The following KLHL36 variants were observed in gnomAD, a reference collection of about 807,000 sequenced individuals.
KLHL36 encodes the protein kelch-like protein 36.
Under a neutral mutation model 53.3 loss-of-function variants are expected in KLHL36, and 35 were observed. The observed-to-expected ratio is 0.66, with a 90% CI of 0.50 to 0.87. The LOEUF (loss-of-function observed/expected upper bound fraction) is 0.87, where lower values mean the gene tolerates loss of function less well. KLHL36 is among the 40% of genes least tolerant of loss of function. KLHL36 has a pLI of 0.00. For missense variants in KLHL36, 864 were observed against 897.6 expected (o/e 0.96, Z 0.48); for synonymous variants, 472 against 398.9 (o/e 1.18, Z -2.18).
rs1426405244 is a variant in KLHL36 at position 84,666,116 on chromosome 16, G to A, written c.*3983G>A. The A allele has an allele frequency of 1.3e-5, 2 of 152,242 alleles. No homozygotes were observed. Among genetic ancestry groups the A allele is most frequent in the African/African-American group, 4.8e-5 (2 of 41,450 alleles). The allele number at this position is 152,242 out of a possible 1,614,324, so 9.4% of individuals were successfully genotyped here. On this transcript the variant is annotated 3_prime_UTR_variant, in exon 5 of 5. Coordinates refer to ENST00000564996, the MANE Select transcript of KLHL36 (RefSeq NM_024731.4). ...GCCTGGAGTATAGGGCAGCGCCACG[G>A]GCACTTGGAGACCCTGTCCTGCGCA... is the stretch of plus-strand genomic sequence containing the variant.
Position 84,662,253 on chromosome 16 carries a change from T to G in KLHL36, c.*120T>G. 1.1e-6 allele frequency: 1 copy of G among 889,410 alleles called. No individual in the cohort carries two copies. Among genetic ancestry groups the G allele is most frequent in the South Asian group, 1.9e-5 (1 of 53,076 alleles). 55.1% of individuals were successfully genotyped at this position (889,410 alleles called of 1,614,324 possible). On this transcript the variant is annotated 3_prime_UTR_variant, in exon 5 of 5. Transcript: ENST00000564996. Reference sequence around the variant, plus strand: ...AACTTAGCAGCTTTTTTTACTTTTATGATTCTTGGTATTTCTATGATATCA... The same window carrying G: ...AACTTAGCAGCTTTTTTTACTTTTAGGATTCTTGGTATTTCTATGATATCA...
intron 3 of KLHL36, chr16:84,658,978 G>C (rs1456418065): frequency 6.7e-6 from 1 of 148,344 alleles, no homozygotes; most frequent in Admixed American, 6.7e-5. Flanking sequence ...TTTAAAAAAA[G>C]AAAAAAAAAA....
chr16:84,656,842 G>T (rs765920632), intron 2 of KLHL36, 29 bp from the exon 3 acceptor site: 2 of 1,556,010 alleles, frequency 1.3e-6, no homozygotes, highest in Non-Finnish European at 1.8e-6. Context: ...AGGCTGCTGC[G>T]CCGTTTCTAA....
chr16:84,659,523 C>T, intron 3 of KLHL36: 2 of 495,838 alleles, frequency 4.0e-6, no homozygotes, highest in South Asian at 2.8e-5. Flanking sequence ...ATCTCCATCC[C>T]CCTTTTGGGG....
chr16:84,653,102 A>AT lies in KLHL36; in HGVS notation c.63+2172_63+2173insT, dbSNP rs1206411096. Among the ~76,000 whole-genome samples, 3 of 152,192 alleles carry AT rather than the reference A, an allele frequency of 2.0e-5. No individual in the cohort carries two copies. The East Asian group carries it at 5.8e-4, about 29-fold the overall frequency. On this transcript the variant is annotated intron_variant, in intron 2 of 4. Coordinates refer to ENST00000564996, the MANE Select transcript of KLHL36 (RefSeq NM_024731.4). ...CCTGGTGGCATACACCTGTAGTCCC[A>AT]GCTCCTCAGGAGGCCGAGGTGGGAG...
At chr16:84,659,710 T>C in intron 3 of KLHL36, 50 bp from the exon 4 acceptor site, 1 of 1,589,722 alleles carries the variant, frequency 6.3e-7, no homozygotes, top group East Asian at 2.2e-5. Flanking sequence ...CAGATGTTGA[T>C]GCTGTCCCGG....
intron 3 of KLHL36, chr16:84,659,525 C>G: frequency 2.0e-6 from 1 of 500,960 alleles, no homozygotes; most frequent in Non-Finnish European, 3.6e-6. Flanking sequence ...CTCCATCCCC[C>G]TTTTGGGGAC....
intron 4 of KLHL36, among the ~76,000 whole-genome samples, 153 bp downstream of exon 4, chr16:84,660,070 G>A (rs1907458570): frequency 1.3e-5 from 2 of 152,132 alleles, no homozygotes; most frequent in African/African-American, 4.8e-5. Flanking sequence ...CATGAGGGGC[G>A]GAGGGCGTGA....
chr16:84,662,323 G>A lies in KLHL36; in HGVS notation c.*190G>A, dbSNP rs2150729909. The A allele has an allele frequency of 1.7e-6, 1 of 580,106 alleles. No homozygotes were observed. The highest frequency in any genetic ancestry group is 2.9e-6 in the Non-Finnish European group (1 of 341,632). The allele number at this position is 580,106 out of a possible 1,614,324, so 35.9% of individuals were successfully genotyped here. A position where few individuals can be genotyped will look rare whatever the true frequency, so the allele number is the denominator to read the frequency against. On this transcript the variant is annotated 3_prime_UTR_variant, in exon 5 of 5. Transcript: ENST00000564996. ...ATCTGTAACTTTACATATCTTGCTT[G>A]AATAACTAACCCTGGGCCCAGGCAG...
At chr16:84,658,200 G>A (rs1907338436) in intron 3 of KLHL36, 1 of 367,504 alleles carries the variant, frequency 2.7e-6, no homozygotes, top group Non-Finnish European at 4.8e-6. Context: ...CAGATGGAAG[G>A]GTCTGTCTGT....
rs1241194989 is a variant in KLHL36, at chr16:84,662,711, G to GACCAC, written c.*579_*583dup. 2.6e-5 allele frequency: 4 copies of GACCAC among 152,464 alleles called. No individual in the cohort carries two copies. Among genetic ancestry groups the GACCAC allele is most frequent in the Non-Finnish European group, 4.4e-5 (3 of 68,256 alleles). 9.4% of individuals were successfully genotyped at this position (152,464 alleles called of 1,614,324 possible). On this transcript the variant is annotated 3_prime_UTR_variant, in exon 5 of 5. Coordinates refer to ENST00000564996, the MANE Select transcript of KLHL36 (RefSeq NM_024731.4). Reference sequence around the variant, plus strand: ...TTTGTTTTATAAATGAGTGCACAGAGACCACCCATGAGGGTGAGTGAGTGA... The same window carrying GACCAC: ...TTTGTTTTATAAATGAGTGCACAGAGACCACACCACCCATGAGGGTGAGTGAGTGA...
At chr16:84,651,844 A>G (rs576971248) in intron 2 of KLHL36, among the ~76,000 whole-genome samples, 1 of 152,334 alleles carries the variant, frequency 6.6e-6, no homozygotes, top group Admixed American at 6.5e-5. Flanking sequence ...ATTAGGGAAA[A>G]AAATCTTAAA....
intron 4 of KLHL36, among the ~76,000 whole-genome samples, chr16:84,660,187 G>C (rs1302710606): frequency 1.3e-5 from 2 of 152,154 alleles, no homozygotes; most frequent in Non-Finnish European, 2.9e-5. Context: ...GAGCTTCAGA[G>C]GGTGAGGCCT....
chr16:84,649,386 G>C (rs1467623110), intron 1 of KLHL36: 1 of 152,446 alleles, frequency 6.6e-6, no homozygotes, highest in Non-Finnish European at 1.5e-5. Flanking sequence ...AGGCTGCCTG[G>C]GGCGGTGGAG....
At chr16:84,649,274 T>C (rs1202264683) in intron 1 of KLHL36, 1 of 152,412 alleles carries the variant, frequency 6.6e-6, no homozygotes, top group African/African-American at 2.4e-5. Context: ...CCCACGCACT[T>C]GCAGGAGACA....
intron 2 of KLHL36, 102 bp downstream of exon 2, chr16:84,651,032 G>T (rs979970271): frequency 8.5e-6 from 8 of 941,626 alleles, no homozygotes; most frequent in Middle Eastern, 2.1e-4. Context: ...TTTGTCATTG[G>T]TGTTGTCAGT....
rs1907698180 is a variant in KLHL36, at chr16:84,663,921, A to G, written c.*1788A>G. The G allele has an allele frequency of 6.6e-6, 1 of 152,194 alleles. No homozygotes were observed. The highest frequency in any genetic ancestry group is 1.5e-5 in the Non-Finnish European group (1 of 68,042). The allele number at this position is 152,194 out of a possible 1,614,324, so 9.4% of individuals were successfully genotyped here. A position where few individuals can be genotyped will look rare whatever the true frequency, so the allele number is the denominator to read the frequency against. On this transcript the variant is annotated 3_prime_UTR_variant, in exon 5 of 5. Coordinates refer to ENST00000564996, the MANE Select transcript of KLHL36 (RefSeq NM_024731.4). The stretch of plus-strand genomic sequence containing the variant: ...AGGAGGGCAGTCTGCATGTTCAGCT[A>G]GCTAGTTATTTGCATGTGAAGTCCC...
chr16:84,654,238 GC>G (rs1312748115), intron 2 of KLHL36, among the ~76,000 whole-genome samples: 2 of 152,220 alleles, frequency 1.3e-5, no homozygotes, highest in Non-Finnish European at 2.9e-5. Flanking sequence ...AGGCCGCTAA[GC>G]CTGTACTATG....
rs1394747545 is a variant in KLHL36 at position 84,663,299 on chromosome 16, A to G, written c.*1166A>G. On this transcript the variant is annotated 3_prime_UTR_variant, in exon 5 of 5. Coordinates refer to ENST00000564996, the MANE Select transcript of KLHL36 (RefSeq NM_024731.4). Reference sequence around the variant, plus strand: ...ATACCCTCCAGGCTCCTCCCGGGTGATAGGGCCATTCAGCCTCTGAGCTGT... The same window carrying G: ...ATACCCTCCAGGCTCCTCCCGGGTGGTAGGGCCATTCAGCCTCTGAGCTGT... 1.3e-5 allele frequency: 2 copies of G among 152,306 alleles called. No homozygotes were observed. Among genetic ancestry groups the G allele is most frequent in the African/African-American group, 4.8e-5 (2 of 41,454 alleles). The allele number at this position is 152,306 out of a possible 1,614,324, so 9.4% of individuals were successfully genotyped here.
Sources: allele counts gnomAD v4.1 joint callset (sites outside exome capture counted in the v4.1 genomes callset), GRCh38; gene constraint gnomAD v4.1.1; transcripts MANE v1.5; gene names NCBI Gene and HGNC (gene_info 2026-07-23, HGNC 2026-07-21).